TMBIM4: variants seen among roughly 807,000 people sequenced by gnomAD.
TMBIM4 encodes protein lifeguard 4.
TMBIM4 carries 28 observed loss-of-function variants against 27.7 expected under a neutral mutation model. The observed-to-expected ratio is 1.01, with a 90% confidence interval of 0.75 to 1.38. The LOEUF (loss-of-function observed/expected upper bound fraction) is 1.38, where lower values mean the gene tolerates loss of function less well. TMBIM4 is among the 40% of genes most tolerant of loss of function. The pLI, the probability that TMBIM4 is intolerant of heterozygous loss-of-function variation, is 0.00. For synonymous variants in TMBIM4, 115 were observed against 113.1 expected, an observed-to-expected ratio of 1.02 and a Z score of -0.11; for missense variants, 265 against 277.5, an observed-to-expected ratio of 0.95 and a Z score of 0.32.
At chr12:66,139,589 CCTT>C (rs1488778312) in intron 5 of TMBIM4, 2 of 455,740 alleles carry the variant, frequency 4.4e-6, no homozygotes, top group Non-Finnish European at 4.4e-6. Context: ...CTTGCGGTCT[CCTT>C]GAGTTGAGCA....
At chr12:66,138,410 A>C (rs1205466895) in intron 6 of TMBIM4, 2 of 393,842 alleles carry the variant, frequency 5.1e-6, no homozygotes, top group African/African-American at 4.3e-5. Context: ...AGCATTCCAC[A>C]TATAAATTAT....
At chr12:66,151,866 G>GA (rs2051850253) in intron 3 of TMBIM4, among the ~76,000 whole-genome samples, 1 of 152,230 alleles carries the variant, frequency 6.6e-6, no homozygotes, top group East Asian at 1.9e-4. Flanking sequence ...TAAAGAATTT[G>GA]AATTTTATGA....
intron 3 of TMBIM4, among the ~76,000 whole-genome samples, chr12:66,150,986 G>T (rs1001939915): frequency 1.3e-5 from 2 of 152,080 alleles, no homozygotes; most frequent in Admixed American, 1.3e-4. Flanking sequence ...AGAGGATTTG[G>T]GTTGGTGGGT....
At chr12:66,166,617 G>A (rs1054755138) in intron 1 of TMBIM4, among the ~76,000 whole-genome samples, 6 of 152,152 alleles carry the variant, frequency 3.9e-5, no homozygotes, top group African/African-American at 1.4e-4. Flanking sequence ...CTATTAAATG[G>A]TCAAAATCTA....
chr12:66,152,424 G>T, intron 2 of TMBIM4, 48 bp from the exon 3 acceptor site: 1 of 1,265,686 alleles, frequency 7.9e-7, no homozygotes, highest in South Asian at 1.3e-5. Context: ...AAAATAGCAT[G>T]AGCAGTATTA....
At chr12:66,158,550 C>T (rs1185754637) in intron 1 of TMBIM4, among the ~76,000 whole-genome samples, 1 of 151,624 alleles carries the variant, frequency 6.6e-6, no homozygotes, top group East Asian at 1.9e-4. Context: ...GCAGGAGAAT[C>T]GCTTGAACCA....
chr12:66,149,438 C>G (rs1375735810), intron 3 of TMBIM4, among the ~76,000 whole-genome samples: 1 of 119,430 alleles, frequency 8.4e-6, no homozygotes, highest in African/African-American at 3.0e-5. Flanking sequence ...GAGAGAGACC[C>G]TGTCTCAAAA....
At chr12:66,166,980 T>C (rs2052141632) in intron 1 of TMBIM4, among the ~76,000 whole-genome samples, 1 of 152,172 alleles carries the variant, frequency 6.6e-6, no homozygotes, top group Non-Finnish European at 1.5e-5. Flanking sequence ...TATCAAGCCA[T>C]GCAAAGACAT....
At chr12:66,163,264 T>C (rs2052071743) in intron 1 of TMBIM4, among the ~76,000 whole-genome samples, 1 of 152,200 alleles carries the variant, frequency 6.6e-6, no homozygotes, top group African/African-American at 2.4e-5. Context: ...ATAGTTCTCA[T>C]GCACTCCTAT....
At chr12:66,164,387 C>G (rs1367264624) in intron 1 of TMBIM4, among the ~76,000 whole-genome samples, 1 of 152,096 alleles carries the variant, frequency 6.6e-6, no homozygotes, top group Non-Finnish European at 1.5e-5. Context: ...GCTTATATAC[C>G]AGAGGGAAAG....
chr12:66,139,798 A>G (rs990347110), intron 5 of TMBIM4: 1 of 455,730 alleles, frequency 2.2e-6, no homozygotes. Flanking sequence ...ACAATAGAGA[A>G]GCAGGCAGAA....
intron 1 of TMBIM4, among the ~76,000 whole-genome samples, chr12:66,163,650 T>C (rs1270969428): frequency 6.6e-6 from 1 of 152,038 alleles, no homozygotes; most frequent in Non-Finnish European, 1.5e-5. Context: ...CCACAACACG[T>C]GGGGATGATG....
chr12:66,159,820 T>C (rs1245880528), intron 1 of TMBIM4, among the ~76,000 whole-genome samples: 1 of 152,202 alleles, frequency 6.6e-6, no homozygotes, highest in Non-Finnish European at 1.5e-5. Flanking sequence ...TACTGCCCCA[T>C]CCAAATGACC....
intron 1 of TMBIM4, among the ~76,000 whole-genome samples, chr12:66,160,672 G>C (rs2052019918): frequency 6.6e-6 from 1 of 152,180 alleles, no homozygotes; most frequent in African/African-American, 2.4e-5. Flanking sequence ...TAATTAAAAA[G>C]TAAACTTTAA....
chr12:66,159,237 CA>C (rs1192268800), intron 1 of TMBIM4, among the ~76,000 whole-genome samples: 30 of 152,146 alleles, frequency 2.0e-4, no homozygotes, highest in African/African-American at 6.8e-4. Flanking sequence ...ATGACTAGGT[CA>C]TAAAAGGCAC....
At chr12:66,161,351 C>T (rs1261882515) in intron 1 of TMBIM4, among the ~76,000 whole-genome samples, 2 of 152,190 alleles carry the variant, frequency 1.3e-5, no homozygotes, top group Non-Finnish European at 2.9e-5. Flanking sequence ...AGTGATTCTC[C>T]TGTCTCAGCC....
chr12:66,165,657 G>A (rs959425378), intron 1 of TMBIM4, among the ~76,000 whole-genome samples: 1 of 152,000 alleles, frequency 6.6e-6, no homozygotes, highest in Non-Finnish European at 1.5e-5. Context: ...TCTTCTTATC[G>A]TTTAGAGTTC....
At chr12:66,152,827 T>G (rs1406881339) in intron 2 of TMBIM4, among the ~76,000 whole-genome samples, 6 of 152,036 alleles carry the variant, frequency 3.9e-5, no homozygotes. Context: ...AATTCTCTAC[T>G]TCTATGAAAA....
At chr12:66,150,223 CT>C (rs887201056) in intron 3 of TMBIM4, among the ~76,000 whole-genome samples, 23 of 151,336 alleles carry the variant, frequency 1.5e-4, no homozygotes, top group East Asian at 1.9e-4. Context: ...ATATGGCCGT[CT>C]TTTTTTTTAT....
Sources: allele counts gnomAD v4.1 joint callset (sites outside exome capture counted in the v4.1 genomes callset), GRCh38; gene constraint gnomAD v4.1.1; transcripts MANE v1.5; gene names NCBI Gene and HGNC (gene_info 2026-07-23, HGNC 2026-07-21).